OCIAD2: variants seen among roughly 807,000 people sequenced by gnomAD.
OCIAD2 encodes the protein OCIA domain containing 2, also known as OCIA domain-containing protein 2.
Under a neutral mutation model 22.9 loss-of-function variants are expected in OCIAD2, and 29 were observed. The observed-to-expected ratio is 1.27, with a 90% CI of 0.94 to 1.73. The LOEUF (loss-of-function observed/expected upper bound fraction) is 1.73, where lower values mean the gene tolerates loss of function less well. OCIAD2 is among the 40% of genes most tolerant of loss of function. The pLI is 0.00. For missense variants in OCIAD2, 189 were observed against 180.3 expected (o/e 1.05, Z -0.28); for synonymous variants, 67 against 60.2 (o/e 1.11, Z -0.52).
At chr4:48,890,229 A>G (rs1482930697) in intron 6 of OCIAD2, among the ~76,000 whole-genome samples, 1 of 152,100 alleles carries the variant, frequency 6.6e-6, no homozygotes, top group African/African-American at 2.4e-5. Flanking sequence ...AATGTTGTGC[A>G]CATGTACCCC....
intron 2 of OCIAD2, among the ~76,000 whole-genome samples, chr4:48,901,483 T>TTAAAGAAAGAATTTAC (rs1553906376): frequency 1.5e-4 from 22 of 151,704 alleles, no homozygotes; most frequent in African/African-American, 5.3e-4. Flanking sequence ...TCCAAGCAAG[T>TTAAAGAAAGAATTTAC]TAAAGAAAGA....
At chr4:48,885,934 A>G (rs1780974410) in intron 6 of OCIAD2, among the ~76,000 whole-genome samples, 1 of 152,212 alleles carries the variant, frequency 6.6e-6, no homozygotes, top group African/African-American at 2.4e-5. Flanking sequence ...GCTTAATAAC[A>G]TCCCATTTGT....
chr4:48,889,682 A>G (rs1781108570), intron 6 of OCIAD2, among the ~76,000 whole-genome samples: 2 of 152,192 alleles, frequency 1.3e-5, no homozygotes, highest in African/African-American at 4.8e-5. Flanking sequence ...TTCAACCATT[A>G]TGGAAGACAG....
At chr4:48,902,859 A>C (rs1275987694) in intron 2 of OCIAD2, among the ~76,000 whole-genome samples, 1 of 152,110 alleles carries the variant, frequency 6.6e-6, no homozygotes, top group Non-Finnish European at 1.5e-5. Flanking sequence ...AGGCTGAGGT[A>C]GGAGAATTGC....
intron 2 of OCIAD2, among the ~76,000 whole-genome samples, chr4:48,900,897 C>G (rs910287976): frequency 6.6e-6 from 1 of 152,018 alleles, no homozygotes. Context: ...CCCAGCCTTG[C>G]GGTGTTTTTT....
chr4:48,885,346 C>T lies in OCIAD2; in HGVS notation c.*138G>A. The T allele has an allele frequency of 1.4e-6, 1 of 692,174 alleles. No homozygotes were observed. The highest frequency in any genetic ancestry group is 2.6e-6 in the Non-Finnish European group (1 of 382,390). 42.9% of individuals were successfully genotyped at this position (692,174 alleles called of 1,614,324 possible). Reference sequence around the variant, plus strand: ...AACGCTTAGTTCACTTGAAAGCCTTCCACGGAATACATTTCAGTGAGTGAC... The same window carrying T: ...AACGCTTAGTTCACTTGAAAGCCTTTCACGGAATACATTTCAGTGAGTGAC... On this transcript the variant is annotated 3_prime_UTR_variant, in exon 7 of 7. Transcript: ENST00000508632.
At chr4:48,903,410 G>T (rs1029592123) in intron 2 of OCIAD2, among the ~76,000 whole-genome samples, 17 of 152,126 alleles carry the variant, frequency 1.1e-4, no homozygotes, top group African/African-American at 3.9e-4. Flanking sequence ...GCTGAGGTGG[G>T]AGGATCATTT....
intron 4 of OCIAD2, chr4:48,897,104 C>G (rs1241040932): frequency 6.6e-6 from 1 of 152,468 alleles, no homozygotes; most frequent in Non-Finnish European, 1.5e-5. Flanking sequence ...TAGCTCCCCC[C>G]ACCTCCTCCC....
intron 5 of OCIAD2, chr4:48,893,201 G>T: frequency 5.6e-6 from 1 of 178,956 alleles, no homozygotes; most frequent in Non-Finnish European, 1.2e-5. Context: ...GAAGGTGGCT[G>T]GGTTGTGGCT....
At chr4:48,891,660 T>C (rs1242034879) in intron 6 of OCIAD2, among the ~76,000 whole-genome samples, 1 of 152,248 alleles carries the variant, frequency 6.6e-6, no homozygotes, top group Non-Finnish European at 1.5e-5. Context: ...TTTCCTTTAC[T>C]TGTGCTACTT....
intron 2 of OCIAD2, among the ~76,000 whole-genome samples, chr4:48,901,516 C>A (rs1398753734): frequency 1.1e-5 from 1 of 89,624 alleles, no homozygotes; most frequent in African/African-American, 4.6e-5. Flanking sequence ...TTGGAATTAT[C>A]CAGTTTTCTA....
At chr4:48,892,618 T>C (rs1296228548) in intron 6 of OCIAD2, among the ~76,000 whole-genome samples, 154 bp downstream of exon 6, 2 of 152,216 alleles carry the variant, frequency 1.3e-5, no homozygotes, top group African/African-American at 2.4e-5. Flanking sequence ...AAAGTTATTA[T>C]TGAAGTTGGG....
intron 1 of OCIAD2, 172 bp from the exon 2 acceptor site, chr4:48,904,783 C>T: frequency 1.0e-5 from 6 of 596,116 alleles, no homozygotes; most frequent in Non-Finnish European, 1.8e-5. Context: ...CATACATGCA[C>T]TCACTAATGG....
Position 48,885,144 on chromosome 4 carries a change from A to G in OCIAD2, c.*340T>C, listed in dbSNP as rs1780945271. 2.8e-5 allele frequency: 5 copies of G among 181,800 alleles called. No individual in the cohort carries two copies. In the South Asian group the frequency reaches 6.2e-4, roughly 22 times the overall value. The allele number at this position is 181,800 out of a possible 1,614,324, so 11.3% of individuals were successfully genotyped here. A position where few individuals can be genotyped will look rare whatever the true frequency, so the allele number is the denominator to read the frequency against. On this transcript the variant is annotated 3_prime_UTR_variant, in exon 7 of 7. Coordinates refer to ENST00000508632, the MANE Select transcript of OCIAD2 (RefSeq NM_001014446.3). ...GCTGGGATTACAGGCATGTGCCACCACGCCTGGCTAATTTTTATATTTTTA... is the reference window on the plus strand; with the variant it reads ...GCTGGGATTACAGGCATGTGCCACCGCGCCTGGCTAATTTTTATATTTTTA...
intron 1 of OCIAD2, among the ~76,000 whole-genome samples, chr4:48,905,330 G>A (rs1394740278): frequency 6.6e-6 from 1 of 151,864 alleles, no homozygotes; most frequent in Non-Finnish European, 1.5e-5. Flanking sequence ...ATAGAGATGA[G>A]AGTTAAAGCA....
intron 6 of OCIAD2, among the ~76,000 whole-genome samples, chr4:48,892,426 T>C (rs547499116): frequency 2.6e-5 from 4 of 152,282 alleles, no homozygotes; most frequent in Non-Finnish European, 5.9e-5. Flanking sequence ...AGTATTAACA[T>C]AGAAAAAGCT....
At chr4:48,886,507 C>T (rs1399490373) in intron 6 of OCIAD2, among the ~76,000 whole-genome samples, 1 of 135,516 alleles carries the variant, frequency 7.4e-6, no homozygotes, top group East Asian at 2.4e-4. Flanking sequence ...CACCCTACAA[C>T]AGGCCCTGGT....
chr4:48,897,137 G>A (rs1270579364), intron 4 of OCIAD2: 1 of 152,534 alleles, frequency 6.6e-6, no homozygotes, highest in African/African-American at 2.4e-5. Flanking sequence ...ATTTGTACAG[G>A]GAACCATCTG....
chr4:48,904,813 T>C (rs1781492783), intron 1 of OCIAD2, among the ~76,000 whole-genome samples: 1 of 152,128 alleles, frequency 6.6e-6, no homozygotes, highest in African/African-American at 2.4e-5. Flanking sequence ...AGATTTAGAA[T>C]AGAGTGGAAA....
Sources: gnomAD v4.1 joint callset for allele counts (sites outside exome capture counted in the v4.1 genomes callset) on GRCh38, gnomAD v4.1.1 for gene constraint, MANE v1.5 for transcripts, NCBI Gene and HGNC (gene_info 2026-07-23, HGNC 2026-07-21) for gene names.